The following SLC35F4 variants were observed in gnomAD, a reference collection of about 807,000 sequenced individuals.
The protein encoded by SLC35F4 is chromosome 14 open reading frame 36.
A neutral mutation model predicts 44.2 loss-of-function variants in SLC35F4; 24 were observed. The observed-to-expected ratio is 0.54, with a 90% CI of 0.39 to 0.76. The LOEUF is 0.76. SLC35F4 is among the 30% of genes least tolerant of loss of function. SLC35F4 has a pLI of 0.00. For synonymous variants in SLC35F4, 238 were observed against 223.6 expected (o/e 1.06, Z -0.57); for missense variants, 562 against 586.1 (o/e 0.96, Z 0.42).
intron 1 of SLC35F4, among the ~76,000 whole-genome samples, chr14:57,727,599 C>A (rs2076236742): frequency 2.6e-5 from 4 of 151,812 alleles, no homozygotes; most frequent in Admixed American, 2.6e-4. Flanking sequence ...TTTCCATTAT[C>A]ATTTGTTTCA....
intron 1 of SLC35F4, among the ~76,000 whole-genome samples, chr14:57,955,560 T>C (rs540319740): frequency 1.3e-5 from 2 of 152,238 alleles, no homozygotes; most frequent in African/African-American, 4.8e-5. Flanking sequence ...CAGCCGAAAA[T>C]CTCCTTAAGC....
intron 1 of SLC35F4, among the ~76,000 whole-genome samples, chr14:57,777,932 GAA>G (rs1298744600): frequency 1.3e-5 from 2 of 152,172 alleles, no homozygotes; most frequent in South Asian, 4.1e-4. Context: ...ATGGGGAACA[GAA>G]AAAAGTAAGG....
At chr14:57,746,783 T>A (rs745686181) in intron 1 of SLC35F4, among the ~76,000 whole-genome samples, 6 of 152,188 alleles carry the variant, frequency 3.9e-5, no homozygotes, top group Non-Finnish European at 8.8e-5. Context: ...AAGGGGTAGC[T>A]ATTCTGCAAG....
intron 1 of SLC35F4, among the ~76,000 whole-genome samples, chr14:57,676,522 A>G (rs2074698591): frequency 6.6e-6 from 1 of 152,152 alleles, no homozygotes; most frequent in Non-Finnish European, 1.5e-5. Flanking sequence ...ATCATGGCAC[A>G]TATTTACCTA....
intron 1 of SLC35F4, among the ~76,000 whole-genome samples, chr14:57,619,479 A>C (rs2072053537): frequency 6.6e-6 from 1 of 152,224 alleles, no homozygotes; most frequent in South Asian, 2.1e-4. Flanking sequence ...ACTAACAAAA[A>C]GAAAGGAATA....
chr14:57,925,622 T>C (rs1274098557), intron 1 of SLC35F4, among the ~76,000 whole-genome samples: 1 of 146,676 alleles, frequency 6.8e-6, no homozygotes, highest in Non-Finnish European at 1.5e-5. Context: ...TAGAATGTTC[T>C]GAACTAAGCT....
intron 1 of SLC35F4, among the ~76,000 whole-genome samples, chr14:57,616,211 T>C (rs890281855): frequency 6.6e-6 from 1 of 152,174 alleles, no homozygotes; most frequent in Non-Finnish European, 1.5e-5. Flanking sequence ...ACCTATTCTC[T>C]TATTTTAATA....
At chr14:57,895,344 T>G (rs1888849203) in intron 1 of SLC35F4, among the ~76,000 whole-genome samples, 1 of 152,050 alleles carries the variant, frequency 6.6e-6, no homozygotes, top group African/African-American at 2.4e-5. Context: ...AGGACCTTAT[T>G]CCAGATATCC....
intron 3 of SLC35F4, among the ~76,000 whole-genome samples, chr14:57,587,255 A>C (rs1402625745): frequency 6.6e-6 from 1 of 152,230 alleles, no homozygotes; most frequent in African/African-American, 2.4e-5. Flanking sequence ...TTACCATTTG[A>C]CTCAGCAATC....
chr14:57,683,083 A>T (rs904409978), intron 1 of SLC35F4, among the ~76,000 whole-genome samples: 4 of 152,162 alleles, frequency 2.6e-5, no homozygotes, highest in African/African-American at 9.7e-5. Context: ...TTAGATAAAT[A>T]TATAGCTAAC....
intron 1 of SLC35F4, among the ~76,000 whole-genome samples, chr14:57,908,632 T>A (rs1291460216): frequency 1.3e-5 from 2 of 152,138 alleles, no homozygotes; most frequent in African/African-American, 4.8e-5. Flanking sequence ...TTTGATGGGG[T>A]TGTGTTTTTC....
intron 1 of SLC35F4, among the ~76,000 whole-genome samples, chr14:57,909,514 T>C (rs1411685758): frequency 6.6e-6 from 1 of 150,572 alleles, no homozygotes; most frequent in Non-Finnish European, 1.5e-5. Flanking sequence ...TTGCCTTTTC[T>C]TTTCTAAAAT....
chr14:57,651,902 AAT>A (rs1310270031), intron 1 of SLC35F4, among the ~76,000 whole-genome samples: 1 of 152,208 alleles, frequency 6.6e-6, no homozygotes, highest in Non-Finnish European at 1.5e-5. Flanking sequence ...AGGACTGCTC[AAT>A]ATGACTCCAC....
chr14:57,715,115 G>T (rs1384426348), intron 1 of SLC35F4, among the ~76,000 whole-genome samples: 1 of 152,068 alleles, frequency 6.6e-6, no homozygotes, highest in Non-Finnish European at 1.5e-5. Flanking sequence ...GATTCTGAGG[G>T]CTCAGTTAGG....
At chr14:57,802,006 C>T (rs923056178) in intron 1 of SLC35F4, among the ~76,000 whole-genome samples, 1 of 152,132 alleles carries the variant, frequency 6.6e-6, no homozygotes, top group Admixed American at 6.6e-5. Flanking sequence ...GAACTCTTCA[C>T]CCAAAAACAA....
At chr14:57,811,744 G>A (rs191045511) in intron 1 of SLC35F4, among the ~76,000 whole-genome samples, 106 of 152,310 alleles carry the variant, frequency 7.0e-4, no homozygotes, top group Non-Finnish European at 1.1e-3. Context: ...AGTTAACTCT[G>A]CAGTAAACGT....
chr14:57,659,866 A>G (rs1360625354), intron 1 of SLC35F4, among the ~76,000 whole-genome samples: 1 of 152,214 alleles, frequency 6.6e-6, no homozygotes, highest in Non-Finnish European at 1.5e-5. Flanking sequence ...GATTACTTTT[A>G]TGACAGAGCA....
intron 1 of SLC35F4, among the ~76,000 whole-genome samples, chr14:57,929,325 G>A (rs930526792): frequency 4.0e-5 from 6 of 151,846 alleles, no homozygotes; most frequent in Admixed American, 1.3e-4. Flanking sequence ...TCTTAAATAC[G>A]GCATTTAAAC....
intron 1 of SLC35F4, among the ~76,000 whole-genome samples, chr14:57,633,554 A>G (rs895898161): frequency 6.6e-6 from 1 of 152,140 alleles, no homozygotes; most frequent in Non-Finnish European, 1.5e-5. Context: ...AAGTTGCACA[A>G]CTTGTACAGA....
Sources: gnomAD v4.1 joint callset for allele counts (sites outside exome capture counted in the v4.1 genomes callset) on GRCh38, gnomAD v4.1.1 for gene constraint, MANE v1.5 for transcripts, NCBI Gene and HGNC (gene_info 2026-07-23, HGNC 2026-07-21) for gene names.